Variants in PXK observed in about 807,000 individuals in gnomAD.
The protein encoded by PXK is PX domain containing serine/threonine kinase like, also known as PX domain-containing protein kinase-like protein.
A neutral mutation model predicts 84.7 loss-of-function variants in PXK; 35 were observed. That is an observed-to-expected ratio of 0.41 (90% CI 0.32 to 0.55). The LOEUF is 0.55. Ranked by LOEUF, PXK falls within the 20% of genes least tolerant of loss-of-function variation. PXK has a pLI of 0.21. For missense variants in PXK, 634 were observed against 699.7 expected (o/e 0.91, Z 1.06); for synonymous variants, 253 against 260.8 (o/e 0.97, Z 0.29).
chr3:58,418,704 G>A (rs1323992209), intron 17 of PXK, among the ~76,000 whole-genome samples: 3 of 152,206 alleles, frequency 2.0e-5, no homozygotes, highest in Admixed American at 6.5e-5. Flanking sequence ...TATAAACTAC[G>A]AATGTCTTGC....
chr3:58,422,333 A>G (rs774644325), intron 17 of PXK: 19 of 985,200 alleles, frequency 1.9e-5, no homozygotes, highest in East Asian at 1.1e-4. Flanking sequence ...CTGGTTGTAC[A>G]TAAGAGCCAC....
intron 1 of PXK, among the ~76,000 whole-genome samples, chr3:58,335,459 C>G (rs1008916566): frequency 1.3e-5 from 2 of 152,086 alleles, no homozygotes; most frequent in African/African-American, 4.8e-5. Flanking sequence ...ATGAGTAAGT[C>G]TTTTTTAAAA....
chr3:58,389,219 A>G (rs2098598147), intron 4 of PXK, among the ~76,000 whole-genome samples: 1 of 152,114 alleles, frequency 6.6e-6, no homozygotes, highest in African/African-American at 2.4e-5. Context: ...CAATAGAACC[A>G]TGTTGTTGCT....
intron 12 of PXK, among the ~76,000 whole-genome samples, chr3:58,402,878 G>T (rs1165153545): frequency 6.6e-6 from 1 of 151,316 alleles, no homozygotes; most frequent in Non-Finnish European, 1.5e-5. Context: ...TGTCATGGGG[G>T]TTTGTTGTAC....
chr3:58,418,615 G>GCTGT (rs10631323), intron 17 of PXK, among the ~76,000 whole-genome samples: 114,488 of 151,718 alleles, frequency 0.75, 43,416 homozygotes, highest in South Asian at 0.82. Flanking sequence ...GTTCTTTGAG[G>GCTGT]CTTTTAAAAG....
At chr3:58,346,761 G>A (rs192641421) in intron 1 of PXK, among the ~76,000 whole-genome samples, 206 of 150,860 alleles carry the variant, frequency 1.4e-3, no homozygotes, top group Non-Finnish European at 2.2e-3. Context: ...GGGCTTAAGC[G>A]GTCCTCCCAC....
chr3:58,358,218 A>G (rs2098124181), intron 1 of PXK, among the ~76,000 whole-genome samples: 1 of 152,218 alleles, frequency 6.6e-6, no homozygotes, highest in Non-Finnish European at 1.5e-5. Flanking sequence ...TACAATCACC[A>G]TGGTGTGCAG....
chr3:58,340,711 G>A (rs527442009), intron 1 of PXK, among the ~76,000 whole-genome samples: 13 of 151,492 alleles, frequency 8.6e-5, no homozygotes, highest in African/African-American at 2.4e-4. Context: ...GGTAACAAGA[G>A]GGAAACTCTG....
chr3:58,359,519 G>A (rs1232597338), intron 1 of PXK, among the ~76,000 whole-genome samples: 1 of 146,170 alleles, frequency 6.8e-6, no homozygotes, highest in Non-Finnish European at 1.5e-5. Flanking sequence ...CACAGAGTGA[G>A]ACTCTGTCTC....
At chr3:58,368,331 CT>C (rs537639217) in intron 2 of PXK, among the ~76,000 whole-genome samples, 7 of 148,510 alleles carry the variant, frequency 4.7e-5, no homozygotes, top group African/African-American at 4.9e-5. Flanking sequence ...GTGAGCCCTT[CT>C]TTTTTTTTTA....
intron 1 of PXK, among the ~76,000 whole-genome samples, chr3:58,357,027 TC>T (rs375086852): frequency 1.1e-3 from 172 of 149,610 alleles, no homozygotes; most frequent in African/African-American, 4.1e-3. Flanking sequence ...ACACCTGTAA[TC>T]CCAGCACTTT....
Position 58,399,184 on chromosome 3 carries a change from C to A in PXK, c.1103-115C>A. 1 of 868,730 alleles carries A rather than the reference C, an allele frequency of 1.2e-6. No homozygotes were observed. Among genetic ancestry groups the A allele is most frequent in the Non-Finnish European group, 1.9e-6 (1 of 524,580 alleles). The allele number at this position is 868,730 out of a possible 1,614,324, so 53.8% of individuals were successfully genotyped here. ...TCTGTCTGTGTGTGAAGATTTTTGA[C>A]ACTGTCCTGATCAGCCCGCAGACAG... is the stretch of plus-strand genomic sequence containing the variant. On this transcript the variant is annotated intron_variant, in intron 11 of 17. Coordinates refer to ENST00000356151, the MANE Select transcript of PXK (RefSeq NM_017771.5). The surrounding 1 kb of genome is among the most constrained non-coding windows in gnomAD (Gnocchi z 4.3).
chr3:58,409,668 T>C lies in PXK; in HGVS notation c.1395+50T>C. 1.4e-6 allele frequency: 2 copies of C among 1,456,232 alleles called. No individual in the cohort carries two copies. The highest frequency in any genetic ancestry group is 1.9e-6 in the Non-Finnish European group (2 of 1,059,900). 90.2% of individuals were successfully genotyped at this position (1,456,232 alleles called of 1,614,324 possible). A position where few individuals can be genotyped will look rare whatever the true frequency, so the allele number is the denominator to read the frequency against. On this transcript the variant is annotated intron_variant, in intron 15 of 17. Transcript: ENST00000356151. The surrounding 1 kb of genome is among the most constrained non-coding windows in gnomAD (Gnocchi z 4.2). ...CCCTCTATGAGTTCTTGAGTACATG[T>C]GAAGAAAGTTCTAGGTTAATGGTGC... is the stretch of plus-strand genomic sequence containing the variant.
Position 58,425,095 on chromosome 3 carries a change from T to C in PXK, c.*135T>C, listed in dbSNP as rs1157284441. ...AACAGTACTATTTTGCAGATGCTCA[T>C]GTAAGCAGCTTTTCGAGAGAAATAA... On this transcript the variant is annotated 3_prime_UTR_variant, in exon 18 of 18. Transcript: ENST00000356151. 7.8e-7 allele frequency: 1 copy of C among 1,280,594 alleles called. No homozygotes were observed. Among genetic ancestry groups the C allele is most frequent in the South Asian group, 1.6e-5 (1 of 64,070 alleles). 79.3% of individuals were successfully genotyped at this position (1,280,594 alleles called of 1,614,324 possible).
Position 58,390,722 on chromosome 3 carries a change from G to C in PXK, c.466+63G>C. 1 of 1,461,064 alleles carries C rather than the reference G, an allele frequency of 6.8e-7. No homozygotes were observed. The highest frequency in any genetic ancestry group is 1.8e-4 in the Middle Eastern group (1 of 5,630). 90.5% of individuals were successfully genotyped at this position (1,461,064 alleles called of 1,614,324 possible). A position where few individuals can be genotyped will look rare whatever the true frequency, so the allele number is the denominator to read the frequency against. On this transcript the variant is annotated intron_variant, in intron 5 of 17. Transcript: ENST00000356151. This position sits in a 1 kb window ranked among gnomAD's most constrained non-coding sequence, Gnocchi z 4.2. ...ATCACAGAACTGGATCCTTAGTCAT[G>C]CTTTCTGATACGTATCCCAGGAACA...
At chr3:58,359,477 G>A (rs181639319) in intron 1 of PXK, among the ~76,000 whole-genome samples, 86 of 150,496 alleles carry the variant, frequency 5.7e-4, no homozygotes, top group Non-Finnish European at 9.7e-4. Context: ...GTTGCAGTGA[G>A]CCGAGATCGC....
chr3:58,391,102 T>G, intron 5 of PXK, 45 bp from the exon 6 acceptor site: 1 of 1,431,710 alleles, frequency 7.0e-7, no homozygotes, highest in East Asian at 2.3e-5. Context: ...TATCAGTTGT[T>G]GCAAAAATTG....
intron 2 of PXK, 111 bp downstream of exon 2, chr3:58,366,035 T>C: frequency 1.2e-6 from 1 of 855,838 alleles, no homozygotes; most frequent in Non-Finnish European, 1.8e-6. Context: ...TGCATAAATA[T>C]AAATCATGTT....
chr3:58,393,251 G>A (rs967872711), intron 7 of PXK, among the ~76,000 whole-genome samples: 8 of 152,062 alleles, frequency 5.3e-5, no homozygotes, highest in African/African-American at 1.7e-4. Flanking sequence ...GGAAGGCTGA[G>A]GCAGGAGAAT....
Sources: gnomAD v4.1 joint callset for allele counts (sites outside exome capture counted in the v4.1 genomes callset) on GRCh38, gnomAD v4.1.1 for gene constraint, Gnocchi (gnomAD v3.1) non-coding constraint, MANE v1.5 for transcripts, NCBI Gene and HGNC (gene_info 2026-07-23, HGNC 2026-07-21) for gene names.